ARHGEF7: variants seen among roughly 807,000 people sequenced by gnomAD.
ARHGEF7 encodes the protein Rho guanine nucleotide exchange factor 7.
ARHGEF7 carries 33 observed loss-of-function variants against 109.8 expected under a neutral mutation model. The ratio of observed to expected loss-of-function variants is 0.30; its 90% confidence interval spans 0.23 to 0.40. The LOEUF (loss-of-function observed/expected upper bound fraction) is 0.40. Ranked by LOEUF, ARHGEF7 falls within the 10% of genes least tolerant of loss-of-function variation. The pLI is 1.00. For synonymous variants in ARHGEF7, 458 were observed against 424.6 expected (o/e 1.08, Z -0.97); for missense variants, 938 against 1,098.5 (o/e 0.85, Z 2.07).
intron 1 of ARHGEF7, among the ~76,000 whole-genome samples, chr13:111,127,855 A>G (rs1393936184): frequency 6.6e-6 from 1 of 152,132 alleles, no homozygotes; most frequent in Non-Finnish European, 1.5e-5. Flanking sequence ...TCAGCATTAC[A>G]TGTAAAAGAT....
At chr13:111,259,808 T>C (rs1349771488) in intron 8 of ARHGEF7, among the ~76,000 whole-genome samples, 5 of 152,120 alleles carry the variant, frequency 3.3e-5, no homozygotes, top group Non-Finnish European at 5.9e-5. Context: ...GAGAGACAGA[T>C]ATGTGACCTT....
At chr13:111,184,990 C>G (rs1410587181) in intron 2 of ARHGEF7, 1 of 152,338 alleles carries the variant, frequency 6.6e-6, no homozygotes, top group African/African-American at 2.4e-5. Flanking sequence ...CAGGGGATTT[C>G]GCTTCTGGGT....
intron 1 of ARHGEF7, among the ~76,000 whole-genome samples, chr13:111,146,131 T>A (rs1163029672): frequency 6.6e-6 from 1 of 152,206 alleles, no homozygotes; most frequent in Non-Finnish European, 1.5e-5. Context: ...AAGTGATCTT[T>A]CATACCTGGG....
At chr13:111,240,986 C>T (rs770079127) in intron 6 of ARHGEF7, among the ~76,000 whole-genome samples, 22 of 152,120 alleles carry the variant, frequency 1.4e-4, no homozygotes, top group Non-Finnish European at 2.8e-4. Context: ...GCTAAGTACT[C>T]CTTTAATGAT....
chr13:111,198,384 A>C (rs2080815079), intron 2 of ARHGEF7, among the ~76,000 whole-genome samples: 1 of 152,176 alleles, frequency 6.6e-6, no homozygotes, highest in Admixed American at 6.5e-5. Flanking sequence ...GACTTCAAGA[A>C]TGAAGCCGTG....
rs1006129410 is a variant in ARHGEF7 at position 111,305,030 on chromosome 13, C to G, written c.*1917C>G. 2 of 152,260 alleles carry G rather than the reference C, an allele frequency of 1.3e-5. No individual in the cohort carries two copies. Among genetic ancestry groups the G allele is most frequent in the African/African-American group, 2.4e-5 (1 of 41,472 alleles). The allele number at this position is 152,260 out of a possible 1,614,324, so 9.4% of individuals were successfully genotyped here. ...CTGCCGGGAGGCGACATTAACTGTC[C>G]TCTCGGAGCCGGTAGCGTTGCTGTC... is the stretch of plus-strand genomic sequence containing the variant. On this transcript the variant is annotated 3_prime_UTR_variant, in exon 22 of 22. Coordinates refer to ENST00000646102, the MANE Select transcript of ARHGEF7 (RefSeq NM_001354046.2).
chr13:111,297,283 TC>T (rs2093448679), intron 19 of ARHGEF7, among the ~76,000 whole-genome samples: 1 of 152,248 alleles, frequency 6.6e-6, no homozygotes, highest in South Asian at 2.1e-4. Context: ...TTTACAAGCT[TC>T]CTAGTTCGCC....
rs148882812 is a variant in ARHGEF7 at position 111,286,370 on chromosome 13, G to T, written c.2044+130G>T. 5,273 of 726,442 alleles carry T rather than the reference G, an allele frequency of 7.3e-3. 48 individuals carry two copies. The highest frequency in any genetic ancestry group is 6.8e-3 in the Non-Finnish European group (2,865 of 418,866). 45.0% of individuals were successfully genotyped at this position (726,442 alleles called of 1,614,324 possible). On this transcript the variant is annotated intron_variant, in intron 17 of 21. Transcript: ENST00000646102. Reference sequence around the variant, plus strand: ...ACAAAAGTAAGGTCTGCCCCTTGAGGCAGTGATAGGAATAAGCCACGTAAC... The same window carrying T: ...ACAAAAGTAAGGTCTGCCCCTTGAGTCAGTGATAGGAATAAGCCACGTAAC...
chr13:111,303,181 CGG>C lies in ARHGEF7; in HGVS notation c.*71_*72del. 3.0e-6 allele frequency: 2 copies of C among 673,280 alleles called. No homozygotes were observed. The highest frequency in any genetic ancestry group is 2.4e-6 in the Non-Finnish European group (1 of 412,108). The allele number at this position is 673,280 out of a possible 1,614,324, so 41.7% of individuals were successfully genotyped here. On this transcript the variant is annotated 3_prime_UTR_variant, in exon 22 of 22. Transcript: ENST00000646102. ...GAAGCTGGGCACCCCTGACCCAAGT[CGG>C]GGTGCACTCAGGACCACAGGGCAGG...
At chr13:111,153,628 G>A (rs2076036231) in intron 1 of ARHGEF7, 1 of 1,181,644 alleles carries the variant, frequency 8.5e-7, no homozygotes, top group African/African-American at 1.6e-5. Context: ...GGCCGGCGGG[G>A]GCGCGGTCTG....
At chr13:111,137,600 A>T (rs1388253533) in intron 1 of ARHGEF7, among the ~76,000 whole-genome samples, 1 of 152,314 alleles carries the variant, frequency 6.6e-6, no homozygotes, top group East Asian at 1.9e-4. Context: ...GAGAGACAGA[A>T]AGGACATCCT....
Position 111,266,168 on chromosome 13 carries a change from C to T in ARHGEF7, c.951-1380C>T, listed in dbSNP as rs2091619021. Among the ~76,000 whole-genome samples the T allele has an allele frequency of 6.6e-6, 1 of 152,106 alleles. No homozygotes were observed. Among genetic ancestry groups the T allele is most frequent in the Admixed American group, 6.5e-5 (1 of 15,270 alleles). ...AATCCATGTGAATGCTCACGGTTGA[C>T]TCAGATGGAGACAGTTAGAGGAAGC... is the stretch of plus-strand genomic sequence containing the variant. On this transcript the variant is annotated intron_variant, in intron 8 of 21. Coordinates refer to ENST00000646102, the MANE Select transcript of ARHGEF7 (RefSeq NM_001354046.2). The surrounding 1 kb of genome is among the most constrained non-coding windows in gnomAD (Gnocchi z 4.8).
chr13:111,280,027 T>C (rs1290298707), intron 13 of ARHGEF7, among the ~76,000 whole-genome samples: 1 of 152,214 alleles, frequency 6.6e-6, no homozygotes, highest in East Asian at 1.9e-4. Context: ...CAGTGTGTGT[T>C]TGGGCTTGTC....
At chr13:111,221,842 G>A (rs1447766701) in intron 5 of ARHGEF7, among the ~76,000 whole-genome samples, 1 of 151,734 alleles carries the variant, frequency 6.6e-6, no homozygotes, top group African/African-American at 2.4e-5. Context: ...ACGTATATGT[G>A]TATATGTATA....
At chr13:111,285,207 TTCCATGGTCATG>T (rs540654321) in intron 16 of ARHGEF7, among the ~76,000 whole-genome samples, 2,553 of 152,240 alleles carry the variant, frequency 0.017, 40 homozygotes, top group Middle Eastern at 0.075. Context: ...GGTCTGTCAT[TTCCATGGTCATG>T]TCCATGTGTA....
chr13:111,248,885 TTA>T (rs1469017665), intron 8 of ARHGEF7, among the ~76,000 whole-genome samples: 7 of 152,244 alleles, frequency 4.6e-5, no homozygotes, highest in African/African-American at 1.7e-4. Context: ...TGTGTCCTGT[TTA>T]CTGTGGGTTG....
intron 2 of ARHGEF7, among the ~76,000 whole-genome samples, chr13:111,185,961 C>CGTGTGTGTGTGTGTGTGT (rs71127998): frequency 1.5e-3 from 198 of 135,854 alleles, no homozygotes; most frequent in Admixed American, 2.9e-3. Context: ...TTTGGGAGCT[C>CGTGTGTGTGTGTGTGTGT]GTGTGTGTGT....
At chr13:111,179,426 A>G (rs1020175686) in intron 2 of ARHGEF7, among the ~76,000 whole-genome samples, 4 of 152,156 alleles carry the variant, frequency 2.6e-5, no homozygotes, top group African/African-American at 9.7e-5. Flanking sequence ...TGTGTAAGTC[A>G]TGTTGTAGAT....
At chr13:111,171,363 C>CAGAG (rs1211140803) in intron 2 of ARHGEF7, among the ~76,000 whole-genome samples, 1 of 152,184 alleles carries the variant, frequency 6.6e-6, no homozygotes, top group Non-Finnish European at 1.5e-5. Context: ...GGTGTCTGAA[C>CAGAG]AGAGTGTGGC....
Sources: gnomAD v4.1 joint callset for allele counts (sites outside exome capture counted in the v4.1 genomes callset) on GRCh38, gnomAD v4.1.1 for gene constraint, Gnocchi (gnomAD v3.1) non-coding constraint, MANE v1.5 for transcripts, NCBI Gene and HGNC (gene_info 2026-07-23, HGNC 2026-07-21) for gene names.